RAB32: variants seen among roughly 807,000 people sequenced by gnomAD.
RAB32 encodes ras-related protein Rab-32.
A neutral mutation model predicts 17.5 loss-of-function variants in RAB32; 17 were observed. The observed-to-expected ratio is 0.97, with a 90% CI of 0.67 to 1.46. The LOEUF (loss-of-function observed/expected upper bound fraction) is 1.46, where lower values mean the gene tolerates loss of function less well. RAB32 is among the 40% of genes most tolerant of loss of function. The pLI, the probability that RAB32 is intolerant of heterozygous loss-of-function variation, is 0.00. For synonymous variants in RAB32, 115 were observed against 111.1 expected, an observed-to-expected ratio of 1.04 and a Z score of -0.22; for missense variants, 288 against 284.3, an observed-to-expected ratio of 1.01 and a Z score of -0.09.
intron 1 of RAB32, among the ~76,000 whole-genome samples, chr6:146,547,553 G>A (rs1355688989): frequency 6.6e-6 from 1 of 151,886 alleles, no homozygotes; most frequent in Non-Finnish European, 1.5e-5. Flanking sequence ...ATTTTACATT[G>A]TTTTGATTCC....
chr6:146,547,163 A>G (rs1323617311), intron 1 of RAB32, among the ~76,000 whole-genome samples: 2 of 152,132 alleles, frequency 1.3e-5, no homozygotes, highest in Non-Finnish European at 2.9e-5. Flanking sequence ...ATAAATGCAT[A>G]CTCAAGATAT....
intron 1 of RAB32, among the ~76,000 whole-genome samples, chr6:146,548,894 G>A (rs192591521): frequency 6.6e-6 from 1 of 152,146 alleles, no homozygotes; most frequent in East Asian, 1.9e-4. Flanking sequence ...TGTGCCTTTT[G>A]TTCTGAAACA....
chr6:146,544,077 G>A lies in RAB32; in HGVS notation c.206G>A (p.Trp69Ter). Reference protein sequence around the residue: ...GVDFALKVLNWDSRTLVRLQL... With the variant: ...GVDFALKVLN Reference sequence around the variant, plus strand: ...GACTTCGCCCTCAAGGTCCTCAACTGGGACAGCAGGACTCTGGTGCGCCTG... The same window carrying A: ...GACTTCGCCCTCAAGGTCCTCAACTAGGACAGCAGGACTCTGGTGCGCCTG... Residue 69 changes from tryptophan to a stop codon, truncating the protein, a stop_gained, in exon 1 of 3, where the codon TGG (tryptophan) becomes TAG (stop). Transcript: ENST00000367495. LOFTEE classifies it high-confidence loss of function. The A allele has an allele frequency of 6.2e-7, 1 of 1,613,796 alleles. No homozygotes were observed. The highest frequency in any genetic ancestry group is 8.5e-7 in the Non-Finnish European group (1 of 1,179,932).
At chr6:146,546,422 A>C (rs1779820278) in intron 1 of RAB32, among the ~76,000 whole-genome samples, 1 of 117,906 alleles carries the variant, frequency 8.5e-6, no homozygotes, top group South Asian at 2.5e-4. Flanking sequence ...GCTTAGTGAG[A>C]GACCAAAAAC....
In RAB32 at chr6:146,543,990, G is replaced by A; in HGVS notation, c.119G>A (p.Ser40Asn). The change falls in exon 1 of 3, where the codon AGC becomes AAC. Residue 40 changes from serine to asparagine, a missense_variant. Transcript: ENST00000367495. Reference sequence around the variant, plus strand: ...GGCGAGCTTGGCGTGGGCAAGACCAGCATCATCAAGCGCTACGTCCACCAG... The same window carrying A: ...GGCGAGCTTGGCGTGGGCAAGACCAACATCATCAAGCGCTACGTCCACCAG... ...VIGELGVGKT[S>N]IIKRYVHQLF... The A allele has an allele frequency of 6.2e-7, 1 of 1,613,794 alleles. No individual in the cohort carries two copies. Among genetic ancestry groups the A allele is most frequent in the Non-Finnish European group, 8.5e-7 (1 of 1,179,902 alleles).
chr6:146,553,490 T>C (rs1779921438), intron 2 of RAB32, among the ~76,000 whole-genome samples: 1 of 152,106 alleles, frequency 6.6e-6, no homozygotes, highest in African/African-American at 2.4e-5. Flanking sequence ...GATGGAGGTA[T>C]ATTCACCGGC....
intron 1 of RAB32, among the ~76,000 whole-genome samples, chr6:146,547,060 C>G (rs1293117537): frequency 6.6e-6 from 1 of 152,096 alleles, no homozygotes; most frequent in Non-Finnish European, 1.5e-5. Context: ...ATTGCCATCT[C>G]TTAACTCACA....
chr6:146,552,180 A>G (rs556834419), intron 2 of RAB32, among the ~76,000 whole-genome samples: 6 of 152,192 alleles, frequency 3.9e-5, no homozygotes, highest in Non-Finnish European at 8.8e-5. Flanking sequence ...TAATATTAAC[A>G]TATGGGAATT....
intron 2 of RAB32, among the ~76,000 whole-genome samples, chr6:146,552,639 T>C (rs563218067): frequency 6.6e-6 from 1 of 152,314 alleles, no homozygotes; most frequent in East Asian, 1.9e-4. Flanking sequence ...TTGATACAGA[T>C]GCATGTGTGT....
intron 1 of RAB32, among the ~76,000 whole-genome samples, chr6:146,546,573 A>G (rs892381743): frequency 4.6e-5 from 7 of 152,128 alleles, no homozygotes; most frequent in African/African-American, 1.4e-4. Flanking sequence ...AGCTCATACC[A>G]TTTGAATTAA....
intron 2 of RAB32, among the ~76,000 whole-genome samples, chr6:146,552,072 G>A (rs1026786814): frequency 6.6e-5 from 10 of 152,130 alleles, no homozygotes; most frequent in Non-Finnish European, 1.3e-4. Context: ...GCAGTCATCC[G>A]AATTTCACTA....
chr6:146,544,052 G>A lies in RAB32; in HGVS notation c.181G>A (p.Asp61Asn), dbSNP rs1198352448. 5 of 1,613,786 alleles carry A rather than the reference G, an allele frequency of 3.1e-6. No individual in the cohort carries two copies. Among genetic ancestry groups the A allele is most frequent in the Non-Finnish European group, 4.2e-6 (5 of 1,179,968 alleles). Residue 61 changes from aspartate to asparagine, a missense_variant, in exon 1 of 3, where the codon GAC becomes AAC. Transcript: ENST00000367495. ...SQHYRATIGVDFALKVLNWDS... is the reference protein window; with the variant it reads ...SQHYRATIGVNFALKVLNWDS... ...GCACTACCGGGCCACCATCGGGGTG[G>A]ACTTCGCCCTCAAGGTCCTCAACTG...
At chr6:146,548,304 T>C (rs1000918642) in intron 1 of RAB32, among the ~76,000 whole-genome samples, 3 of 152,186 alleles carry the variant, frequency 2.0e-5, no homozygotes, top group Non-Finnish European at 4.4e-5. Context: ...TTATTCTTCT[T>C]CCATTATTCC....
Position 146,544,131 on chromosome 6 carries a change from G to A in RAB32, c.250+10G>A, listed in dbSNP as rs1389863769. The A allele has an allele frequency of 6.2e-7, 1 of 1,603,926 alleles. No individual in the cohort carries two copies. The highest frequency in any genetic ancestry group is 8.5e-7 in the Non-Finnish European group (1 of 1,174,678). Reference sequence around the variant, plus strand: ...CTGTGGGACATCGCGGGTAAGCGCGGCCGCGAGTTTCCCACTCCAGAGCCC... The same window carrying A: ...CTGTGGGACATCGCGGGTAAGCGCGACCGCGAGTTTCCCACTCCAGAGCCC... On this transcript the variant is annotated intron_variant, in intron 1 of 2. Transcript: ENST00000367495.
At position 146,554,608 on chromosome 6, in the gene RAB32, T is replaced by C. The variant is rs748543320; in HGVS notation, c.*3T>C. 6 of 1,608,886 alleles carry C rather than the reference T, an allele frequency of 3.7e-6. No homozygotes were observed. The highest frequency in any genetic ancestry group is 3.4e-5 in the Admixed American group (2 of 58,880). On this transcript the variant is annotated 3_prime_UTR_variant, in exon 3 of 3. Coordinates refer to ENST00000367495, the MANE Select transcript of RAB32 (RefSeq NM_006834.5). ...AGAACAAATCCCAGTGTTGCTGATA[T>C]ATGGCTTCTGCTTCTCTTGTGTGTG... is the stretch of plus-strand genomic sequence containing the variant.
At chr6:146,548,722 C>T (rs1230489588) in intron 1 of RAB32, among the ~76,000 whole-genome samples, 1 of 152,130 alleles carries the variant, frequency 6.6e-6, no homozygotes, top group Non-Finnish European at 1.5e-5. Context: ...CTTTCCTATG[C>T]CAAAGATTAG....
intron 2 of RAB32, among the ~76,000 whole-genome samples, chr6:146,553,470 G>A (rs931438233): frequency 2.6e-5 from 4 of 152,076 alleles, no homozygotes; most frequent in South Asian, 2.1e-4. Flanking sequence ...AGGAAACATC[G>A]AACATCACAG....
At chr6:146,553,071 A>C (rs892171592) in intron 2 of RAB32, among the ~76,000 whole-genome samples, 6 of 152,112 alleles carry the variant, frequency 3.9e-5, no homozygotes, top group African/African-American at 1.4e-4. Context: ...TTTTATTTTT[A>C]TTTTTTTATT....
At chr6:146,544,209 A>G in intron 1 of RAB32, 88 bp downstream of exon 1, 2 of 1,436,046 alleles carry the variant, frequency 1.4e-6, no homozygotes, top group Non-Finnish European at 1.8e-6. Flanking sequence ...TTCTGCCTGA[A>G]CTCGTCTGCC....
Sources: allele counts gnomAD v4.1 joint callset (sites outside exome capture counted in the v4.1 genomes callset), GRCh38; gene constraint gnomAD v4.1.1; transcripts MANE v1.5; gene names NCBI Gene and HGNC (gene_info 2026-07-23, HGNC 2026-07-21).